The following PTCH2 variants were observed in gnomAD, a reference collection of about 807,000 sequenced individuals.
PTCH2 encodes the protein protein patched homolog 2.
In PTCH2, 96 loss-of-function variants were observed where a neutral mutation model predicts 117.9. The ratio of observed to expected loss-of-function variants is 0.81; its 90% CI spans 0.69 to 0.96. PTCH2 has a LOEUF of 0.96. Among genes scored for constraint, PTCH2 ranks in the 50% least tolerant of loss-of-function variants. PTCH2 has a pLI of 0.00. For synonymous variants in PTCH2, 615 were observed against 660.9 expected (o/e 0.93, Z 1.06); for missense variants, 1,379 against 1,562.5 (o/e 0.88, Z 1.98).
chr1:44,838,052 A>C (rs949039281), intron 2 of PTCH2, among the ~76,000 whole-genome samples: 1 of 150,490 alleles, frequency 6.6e-6, no homozygotes, highest in Non-Finnish European at 1.5e-5. Context: ...TCTGCACTCC[A>C]GTGTGGGCAA....
chr1:44,832,234 T>C lies in PTCH2; in HGVS notation c.373A>G (p.Asn125Asp). 1 of 1,614,138 alleles carries C rather than the reference T, an allele frequency of 6.2e-7. No individual in the cohort carries two copies. Among genetic ancestry groups the C allele is most frequent in the Non-Finnish European group, 8.5e-7 (1 of 1,180,020 alleles). Residue 125 changes from asparagine (N) to aspartate (D), a missense_variant, in exon 3 of 22, where the codon AAC becomes GAC. Physicochemically the swap from Asn to Asp is conservative, Grantham distance 23. Coordinates refer to ENST00000372192, the MANE Select transcript of PTCH2 (RefSeq NM_003738.5). ...LIQTARQEGENILTPEALGLH... is the reference protein window; with the variant it reads ...LIQTARQEGEDILTPEALGLH... ...CCAAGTGCTTCGGGTGTGAGGATGT[T>C]CTCTCCCTCCTGGCGTGCGGTCTGT... is the stretch of plus-strand genomic sequence containing the variant.
intron 2 of PTCH2, among the ~76,000 whole-genome samples, chr1:44,835,803 G>A (rs1476648159): frequency 2.0e-5 from 3 of 152,196 alleles, no homozygotes; most frequent in Non-Finnish European, 4.4e-5. Flanking sequence ...CAGGAAACGT[G>A]TCCTGGACCA....
Position 44,829,479 on chromosome 1 carries a change from A to G in PTCH2, c.1138T>C (p.Ser380Pro). 6.2e-7 allele frequency: 1 copy of G among 1,614,204 alleles called. No homozygotes were observed. The highest frequency in any genetic ancestry group is 8.5e-7 in the Non-Finnish European group (1 of 1,180,036). ...NASQQIHAFS[S>P]TTLDDILHAF... The stretch of plus-strand genomic sequence containing the variant: ...TGCAGGATGTCATCCAGGGTGGTGG[A>G]GGAGAAGGCATGGATCTGCTGGGAA... The change falls in exon 9 of 22, where the codon TCC (serine) becomes CCC (proline). Residue 380 changes from serine to proline, a missense_variant. Physicochemically the swap from Ser to Pro is moderately conservative, Grantham distance 74 (BLOSUM62 -1). Transcript: ENST00000372192.
chr1:44,838,523 G>A (rs1194709291), intron 2 of PTCH2, among the ~76,000 whole-genome samples: 4 of 152,180 alleles, frequency 2.6e-5, no homozygotes, highest in Admixed American at 6.5e-5. Flanking sequence ...TTACAGGCGT[G>A]AGCCACCGTG....
In PTCH2 at chr1:44,831,830, GC is replaced by G. The variant is rs1185296405; in HGVS notation, c.526-34del. The G allele has an allele frequency of 6.2e-7, 1 of 1,605,568 alleles. No homozygotes were observed. Among genetic ancestry groups the G allele is most frequent in the Non-Finnish European group, 8.5e-7 (1 of 1,172,790 alleles). On this transcript the variant is annotated intron_variant, in intron 4 of 21. Coordinates refer to ENST00000372192, the MANE Select transcript of PTCH2 (RefSeq NM_003738.5). The surrounding 1 kb of genome is among the most constrained non-coding windows in gnomAD (Gnocchi z 4.3). ...GGATACCCCGGGCCACGTCAGTCCTGCCCCACAACCTTTGTAGGATGCCCTC... is the reference window on the plus strand; with the variant it reads ...GGATACCCCGGGCCACGTCAGTCCTGCCCACAACCTTTGTAGGATGCCCTC...
At chr1:44,834,989 G>A (rs556917855) in intron 2 of PTCH2, among the ~76,000 whole-genome samples, 50 of 152,308 alleles carry the variant, frequency 3.3e-4, no homozygotes, top group African/African-American at 1.1e-3. Context: ...AAAATGAGAA[G>A]GAACTGAAGG....
In PTCH2 at chr1:44,829,539, G is replaced by GA; in HGVS notation, c.1084-7dup. Reference sequence around the variant, plus strand: ...GGCAGGGCCTCCTGGGCCAGCTGGAGAAACAGGGTGGATAGGAGGGGGCAG... The same window carrying GA: ...GGCAGGGCCTCCTGGGCCAGCTGGAGAAAACAGGGTGGATAGGAGGGGGCAG... On this transcript the variant is annotated splice_polypyrimidine_tract_variant and splice_region_variant and intron_variant, in intron 8 of 21. Transcript: ENST00000372192. The GA allele has an allele frequency of 6.2e-7, 1 of 1,614,192 alleles. No homozygotes were observed. The highest frequency in any genetic ancestry group is 8.5e-7 in the Non-Finnish European group (1 of 1,180,016).
chr1:44,830,701 G>A (rs1215865840), intron 6 of PTCH2, 147 bp downstream of exon 6: 10 of 703,530 alleles, frequency 1.4e-5, no homozygotes, highest in Non-Finnish European at 2.1e-5. Context: ...GGAACATTGG[G>A]GGCCTGGCAC....
Position 44,832,159 on chromosome 1 carries a change from A to G in PTCH2, c.448T>C (p.Tyr150His). Residue 150 changes from tyrosine to histidine, a missense_variant, in exon 3 of 22, where the codon TAT becomes CAT. By Grantham distance (83) the Tyr-to-His change is moderately conservative (BLOSUM62 2). Coordinates refer to ENST00000372192, the MANE Select transcript of PTCH2 (RefSeq NM_003738.5). ...LTASKVQVSL[Y>H]GKSWDLNKIC... is the part of the protein sequence containing the mutation. ...GGGCTCAGCCAGACTCACTTCCCATAGAGTGATACTTGGACTTTACTGGCA... is the reference window on the plus strand; with the variant it reads ...GGGCTCAGCCAGACTCACTTCCCATGGAGTGATACTTGGACTTTACTGGCA... 4.3e-6 allele frequency: 7 copies of G among 1,614,126 alleles called. No individual in the cohort carries two copies. The highest frequency in any genetic ancestry group is 5.9e-6 in the Non-Finnish European group (7 of 1,180,030).
chr1:44,819,848 G>C (rs757919440), downstream of PTCH2: 2 of 152,934 alleles, frequency 1.3e-5, no homozygotes, highest in East Asian at 1.9e-4. Flanking sequence ...AAGTTCCTTG[G>C]TTGTAGTTGC....
rs1467723818 is a variant in PTCH2, at chr1:44,822,613, T to G, written c.3414A>C (p.Gly1138=). ...PEILSPPAPQ[G]GGLRWGASSS... ...AGGATGCCCCCCACCTAAGCCCGCCTCCCTGTGGAGCTGGTGGACTCAGGA... is the reference window on the plus strand; with the variant it reads ...AGGATGCCCCCCACCTAAGCCCGCCGCCCTGTGGAGCTGGTGGACTCAGGA... Residue 1138 remains glycine (G), a synonymous_variant, in exon 22 of 22, where the codon GGA becomes GGC. Coordinates refer to ENST00000372192, the MANE Select transcript of PTCH2 (RefSeq NM_003738.5). The G allele has an allele frequency of 1.2e-6, 2 of 1,613,834 alleles. No individual in the cohort carries two copies. Among genetic ancestry groups the G allele is most frequent in the Non-Finnish European group, 1.7e-6 (2 of 1,179,956 alleles).
In PTCH2 at chr1:44,823,914, G is replaced by A. The variant is rs11573592; in HGVS notation, c.3115-529C>T. On this transcript the variant is annotated intron_variant, in intron 19 of 21. Transcript: ENST00000372192. This position sits in a 1 kb window ranked among gnomAD's most constrained non-coding sequence, Gnocchi z 5.1. ...GATTGCACTGCTACACTCCAGCCTG[G>A]GCGACAGAGTGAGACCCTGTTTCAA... Among the ~76,000 whole-genome samples the A allele has an allele frequency of 0.18, 26,992 of 151,748 alleles. 2,515 individuals are homozygous for A. Among genetic ancestry groups the A allele is most frequent in the East Asian group, 0.28 (1,425 of 5,176 alleles).
At chr1:44,837,778 G>C (rs370746448) in intron 2 of PTCH2, among the ~76,000 whole-genome samples, 10 of 152,044 alleles carry the variant, frequency 6.6e-5, no homozygotes, top group Admixed American at 2.0e-4. Flanking sequence ...GTGACCACAA[G>C]GTAGAAAGGA....
intron 1 of PTCH2, 116 bp downstream of exon 1, chr1:44,842,745 C>G: frequency 9.3e-7 from 1 of 1,080,282 alleles, no homozygotes; most frequent in Non-Finnish European, 1.4e-6. Context: ...CTGGCTCTCA[C>G]TTGCCTTCAG....
intron 2 of PTCH2, among the ~76,000 whole-genome samples, chr1:44,840,674 A>G (rs1004811954): frequency 2.0e-5 from 3 of 151,444 alleles, no homozygotes; most frequent in Admixed American, 6.6e-5. Context: ...TCAAGCCACT[A>G]AACTCCAGCT....
In PTCH2 at chr1:44,828,167, C is replaced by A; in HGVS notation, c.1734G>T (p.Gln578His). 1 of 1,613,688 alleles carries A rather than the reference C, an allele frequency of 6.2e-7. No homozygotes were observed. Among genetic ancestry groups the A allele is most frequent in the South Asian group, 1.1e-5 (1 of 91,074 alleles). ...FSSPCSAQVI[Q>H]ILPQELGDGT... The stretch of plus-strand genomic sequence containing the variant: ...CGTCCCCCAGCTCCTGGGGCAGGAT[C>A]TGAATCACCTGAGCAGAGCAGGGAC... Residue 578 changes from glutamine to histidine, a missense_variant, in exon 14 of 22, where the codon CAG (glutamine) becomes CAT (histidine). Coordinates refer to ENST00000372192, the MANE Select transcript of PTCH2 (RefSeq NM_003738.5).
rs1377075089 is a variant in PTCH2 at position 44,826,995 on chromosome 1, G to T, written c.2602C>A (p.Pro868Thr). 1 of 1,614,082 alleles carries T rather than the reference G, an allele frequency of 6.2e-7. No homozygotes were observed. Among genetic ancestry groups the T allele is most frequent in the East Asian group, 2.2e-5 (1 of 44,880 alleles). Residue 868 changes from proline (P) to threonine (T), a missense_variant, in exon 17 of 22, where the codon CCC (proline) becomes ACC (threonine). Physicochemically the swap from Pro to Thr is conservative, Grantham distance 38. Transcript: ENST00000372192. The surrounding 1 kb of genome is among the most constrained non-coding windows in gnomAD (Gnocchi z 5.1). ...MGLTVWVSSD[P>T]LGLAASQANF... ...GCCTGTGAGGCTGCCAGACCCAGGG[G>T]GTCACTGCTCACCCACACGGTCAGC...
At chr1:44,835,175 T>A (rs1653631121) in intron 2 of PTCH2, among the ~76,000 whole-genome samples, 1 of 152,028 alleles carries the variant, frequency 6.6e-6, no homozygotes, top group Admixed American at 6.5e-5. Flanking sequence ...GCTCAAGCAA[T>A]CCTCTCAAGT....
chr1:44,842,364 C>T (rs1042468894), intron 1 of PTCH2, among the ~76,000 whole-genome samples: 1 of 150,488 alleles, frequency 6.6e-6, no homozygotes, highest in Non-Finnish European at 1.5e-5. Context: ...ACTGCAACCT[C>T]CGCCTCCCAG....
Sources: allele counts gnomAD v4.1 joint callset (sites outside exome capture counted in the v4.1 genomes callset), GRCh38; gene constraint gnomAD v4.1.1; non-coding constraint Gnocchi (gnomAD v3.1); transcripts MANE v1.5; gene names NCBI Gene and HGNC (gene_info 2026-07-23, HGNC 2026-07-21).